The following CDKN2B-AS1 variants were observed in gnomAD, a reference collection of about 807,000 sequenced individuals.
CDKN2B-AS1 encodes CDKN2B antisense RNA 1 (non-protein coding).
chr9:22,055,249 A>T (rs1316517543), intron 3 of CDKN2B-AS1, among the ~76,000 whole-genome samples: 1 of 152,132 alleles, frequency 6.6e-6, no homozygotes, highest in Non-Finnish European at 1.5e-5. Context: ...CTGTCATCTC[A>T]TATGCATGCC....
intron 4 of CDKN2B-AS1, chr9:22,119,047 T>G (rs1463485110): frequency 6.6e-6 from 1 of 152,204 alleles, no homozygotes; most frequent in Non-Finnish European, 1.5e-5. Context: ...CACTATGCTA[T>G]CATTTTTCAT....
At chr9:22,015,175 A>G (rs981269555) in intron 1 of CDKN2B-AS1, among the ~76,000 whole-genome samples, 11 of 152,016 alleles carry the variant, frequency 7.2e-5, no homozygotes, top group East Asian at 3.9e-4. Context: ...GATCCCTGAG[A>G]AATCGCCACA....
intron 1 of CDKN2B-AS1, among the ~76,000 whole-genome samples, chr9:22,019,928 TG>T (rs1821946761): frequency 6.6e-6 from 1 of 152,206 alleles, no homozygotes; most frequent in Non-Finnish European, 1.5e-5. Flanking sequence ...GTTAAACTTC[TG>T]TCATGAGGGT....
chr9:22,120,470 T>C (rs1340073838), intron 4 of CDKN2B-AS1: 1 of 141,666 alleles, frequency 7.1e-6, no homozygotes, highest in Non-Finnish European at 1.6e-5. Flanking sequence ...GTCACTATTG[T>C]AAGCACTTCT....
At chr9:22,089,982 C>T (rs1825013555) in intron 4 of CDKN2B-AS1, among the ~76,000 whole-genome samples, 1 of 121,122 alleles carries the variant, frequency 8.3e-6, no homozygotes, top group Non-Finnish European at 1.7e-5. Context: ...CCCCCCTCCC[C>T]CCACCCCACA....
intron 1 of CDKN2B-AS1, chr9:22,029,424 G>A (rs756288584): frequency 1.2e-5 from 9 of 779,406 alleles, no homozygotes; most frequent in Non-Finnish European, 1.9e-5. Flanking sequence ...TTTTTTGGAT[G>A]TTTTGCAGGA....
intron 4 of CDKN2B-AS1, among the ~76,000 whole-genome samples, chr9:22,102,321 T>G (rs1825514202): frequency 6.6e-6 from 1 of 152,240 alleles, no homozygotes; most frequent in African/African-American, 2.4e-5. Context: ...GCTTGCTCAT[T>G]ACATTACCTA....
At chr9:22,013,945 G>A (rs1421827029) in intron 1 of CDKN2B-AS1, among the ~76,000 whole-genome samples, 2 of 152,088 alleles carry the variant, frequency 1.3e-5, no homozygotes, top group African/African-American at 4.8e-5. Flanking sequence ...CCTAGAGTCT[G>A]TATGTGATTC....
chr9:22,071,598 CTTT>C lies in CDKN2B-AS1; in HGVS notation n.438+15212_438+15214del, dbSNP rs1824298556. ...ATTATTTTTGTGACCCTGGGTATTT[CTTT>C]CTGGGACTGTATTCATTGGATATGA... On this transcript the variant is annotated intron_variant and non_coding_transcript_variant, in intron 4 of 4. Coordinates refer to ENST00000650946, the Ensembl canonical transcript of CDKN2B-AS1. 4.6e-5 allele frequency among the ~76,000 whole-genome samples: 7 copies of C among 152,072 alleles called. No homozygotes were observed. The South Asian group carries it at 1.2e-3, about 27-fold the overall frequency.
At chr9:22,008,643 G>A in intron 1 of CDKN2B-AS1, 1 of 1,597,296 alleles carries the variant, frequency 6.3e-7, no homozygotes, top group African/African-American at 1.3e-5. Flanking sequence ...TTTTTGCTGG[G>A]TAAAAGCCTG....
At chr9:22,114,564 A>G (rs937645075) in intron 4 of CDKN2B-AS1, among the ~76,000 whole-genome samples, 2 of 152,198 alleles carry the variant, frequency 1.3e-5, no homozygotes, top group Non-Finnish European at 2.9e-5. Context: ...ACGTTTTGAC[A>G]AAGCTGATTA....
rs1036699776 is a variant in CDKN2B-AS1, at chr9:22,048,065, G to T, written n.180-1041G>T. Among the ~76,000 whole-genome samples, 8 of 152,014 alleles carry T rather than the reference G, an allele frequency of 5.3e-5. No individual in the cohort carries two copies. In the East Asian group the frequency reaches 9.7e-4, roughly 18 times the overall value. On this transcript the variant is annotated intron_variant and non_coding_transcript_variant, in intron 2 of 4. Transcript: ENST00000650946. ...CTGCCTCAGCCTCTCAAAGTGCTGG[G>T]ATTACAGGCGTGAGTCAGTGCGCCT...
In CDKN2B-AS1 at chr9:22,006,227, G is replaced by T. The variant is rs756996826; in HGVS notation, n.29+11066G>T. 9 of 1,606,616 alleles carry T rather than the reference G, an allele frequency of 5.6e-6. No individual in the cohort carries two copies. Among genetic ancestry groups the T allele is most frequent in the Middle Eastern group, 1.7e-4 (1 of 5,956 alleles). On this transcript the variant is annotated intron_variant and non_coding_transcript_variant, in intron 1 of 4. Transcript: ENST00000650946. The surrounding 1 kb of genome is among the most constrained non-coding windows in gnomAD (Gnocchi z 6.4). ...GGAGCAGCAGCAGCTCCGCCACGCG[G>T]GCGCTGCCCATCATCATGACCTGCC... is the stretch of plus-strand genomic sequence containing the variant.
At chr9:22,071,269 G>T (rs1264489493) in intron 4 of CDKN2B-AS1, among the ~76,000 whole-genome samples, 3 of 134,234 alleles carry the variant, frequency 2.2e-5, no homozygotes, top group Non-Finnish European at 4.6e-5. Flanking sequence ...CAGAGGCCAG[G>T]CTTAGAAATA....
At chr9:22,111,716 A>C (rs368972791) in intron 4 of CDKN2B-AS1, among the ~76,000 whole-genome samples, 19 of 152,272 alleles carry the variant, frequency 1.2e-4, no homozygotes, top group East Asian at 9.6e-4. Flanking sequence ...AAATGCATTT[A>C]ATTTCAGTGC....
intron 4 of CDKN2B-AS1, among the ~76,000 whole-genome samples, chr9:22,083,426 A>T (rs1824766072): frequency 1.3e-5 from 2 of 152,222 alleles, no homozygotes; most frequent in African/African-American, 4.8e-5. Context: ...ACAGAGAGGA[A>T]GGTACAGATA....
rs772581298 is a variant in CDKN2B-AS1, at chr9:22,025,759, T to C, written n.30-20992T>C. On this transcript the variant is annotated intron_variant and non_coding_transcript_variant, in intron 1 of 4. Coordinates refer to ENST00000650946, the Ensembl canonical transcript of CDKN2B-AS1. ...CTGGCCCGAACACACTGGTAGGACA[T>C]GGCTGAAGACGCTAGTTGGGAGACC... is the stretch of plus-strand genomic sequence containing the variant. 1.1e-4 allele frequency among the ~76,000 whole-genome samples: 16 copies of C among 152,098 alleles called. No homozygotes were observed. In the East Asian group the frequency reaches 1.7e-3, roughly 17 times the overall value.
At chr9:22,121,543 C>A (rs548363353) in intron 4 of CDKN2B-AS1, among the ~76,000 whole-genome samples, 1 of 152,130 alleles carries the variant, frequency 6.6e-6, no homozygotes, top group South Asian at 2.1e-4. Context: ...AATTCTCTCC[C>A]TATCCCTCCC....
At chr9:22,035,035 A>G (rs926173200) in intron 1 of CDKN2B-AS1, among the ~76,000 whole-genome samples, 5 of 152,200 alleles carry the variant, frequency 3.3e-5, no homozygotes, top group African/African-American at 1.2e-4. Flanking sequence ...TCACAAGACT[A>G]CTATGAGGAG....
Sources: gnomAD v4.1 joint callset for allele counts (sites outside exome capture counted in the v4.1 genomes callset) on GRCh38, gnomAD v4.1.1 for gene constraint, Gnocchi (gnomAD v3.1) non-coding constraint, MANE v1.5 for transcripts, NCBI Gene and HGNC (gene_info 2026-07-23, HGNC 2026-07-21) for gene names.